DOCK7: variants seen among roughly 807,000 people sequenced by gnomAD.
DOCK7 encodes the protein dedicator of cytokinesis protein 7.
Under a neutral mutation model 271.0 loss-of-function variants are expected in DOCK7, and 138 were observed. That is an observed-to-expected ratio of 0.51 (90% CI 0.44 to 0.59). DOCK7 has a LOEUF of 0.59. Ranked by LOEUF, DOCK7 falls within the 20% of genes least tolerant of loss-of-function variation. The probability of loss-of-function intolerance (pLI) is 0.00; values close to 1 mark genes in which losing one functional copy is unlikely to be tolerated. For synonymous variants in DOCK7, 823 were observed against 876.1 expected, an observed-to-expected ratio of 0.94 and a Z score of 1.07; for missense variants, 2,066 against 2,592.4, an observed-to-expected ratio of 0.80 and a Z score of 4.41.
At chr1:62,630,313 T>A (rs1334409165) in intron 11 of DOCK7, among the ~76,000 whole-genome samples, 2 of 152,186 alleles carry the variant, frequency 1.3e-5, no homozygotes, top group Non-Finnish European at 2.9e-5. Context: ...CTGCATGCTT[T>A]TTCAAGTGGC....
In DOCK7 at chr1:62,539,861, T is replaced by C. The variant is rs1466340725; in HGVS notation, c.3077A>G (p.Asn1026Ser). 1 of 1,612,784 alleles carries C rather than the reference T, an allele frequency of 6.2e-7. No individual in the cohort carries two copies. The highest frequency in any genetic ancestry group is 2.2e-5 in the East Asian group (1 of 44,814). The change falls in exon 26 of 50, where the codon AAT becomes AGT. Residue 1026 changes from asparagine (N) to serine (S), a missense_variant. Transcript: ENST00000635253. ...VKSMVHHLYF[N>S]DKLEAPRKSR... is the part of the protein sequence containing the mutation. ...TTTCCTTGGAGCCTCAAGTTTATCA[T>C]TAAAGTATAAATGGTGCACCATGCT...
rs376000534 is a variant in DOCK7 at position 62,457,588 on chromosome 1, G to A, written c.6330C>T (p.Asn2110=). ...CCTTGTATAACTGAGGGATCTTTCTGTTGATCAGTGGCTGTAGGGCCTCTT... is the reference window on the plus strand; with the variant it reads ...CCTTGTATAACTGAGGGATCTTTCTATTGATCAGTGGCTGTAGGGCCTCTT... ...RLKEALQPLI[N]RKIPQLYKAV... Residue 2110 remains asparagine, a synonymous_variant, in exon 49 of 50, where the codon AAC becomes AAT. Transcript: ENST00000635253. 2.1e-5 allele frequency: 34 copies of A among 1,614,170 alleles called. No homozygotes were observed. The highest frequency in any genetic ancestry group is 2.9e-5 in the Non-Finnish European group (34 of 1,180,022).
chr1:62,483,826 C>T (rs1308291678), intron 43 of DOCK7: 1 of 152,296 alleles, frequency 6.6e-6, no homozygotes. Flanking sequence ...AGCGATCCTC[C>T]CACCTTGGCC....
intron 1 of DOCK7, among the ~76,000 whole-genome samples, chr1:62,682,020 G>T (rs947457856): frequency 4.6e-5 from 7 of 150,954 alleles, no homozygotes; most frequent in Non-Finnish European, 1.0e-4. Flanking sequence ...TAAGATTTAG[G>T]AAAGAAAAGG....
intron 14 of DOCK7, chr1:62,604,706 T>C (rs766993553): frequency 6.2e-7 from 1 of 1,613,252 alleles, no homozygotes; most frequent in Non-Finnish European, 8.5e-7. Context: ...GAGCAAAATC[T>C]AAGCCAGAGA....
chr1:62,550,219 G>GT (rs1645849431), intron 22 of DOCK7, among the ~76,000 whole-genome samples: 1 of 152,100 alleles, frequency 6.6e-6, no homozygotes. Flanking sequence ...CTGGTGGAGT[G>GT]TAGATCTTGA....
At chr1:62,540,024 A>G (rs1557687167) in intron 25 of DOCK7, 132 bp from the exon 26 acceptor site, 8 of 583,254 alleles carry the variant, frequency 1.4e-5, no homozygotes, top group Non-Finnish European at 1.4e-5. Flanking sequence ...AGCTTCTCAA[A>G]TATTTTTTAA....
At chr1:62,588,404 G>A (rs1557762631) in intron 14 of DOCK7, among the ~76,000 whole-genome samples, 1 of 152,188 alleles carries the variant, frequency 6.6e-6, no homozygotes, top group Non-Finnish European at 1.5e-5. Flanking sequence ...TAGGTACCTA[G>A]CTGTCTGTGG....
intron 19 of DOCK7, among the ~76,000 whole-genome samples, chr1:62,559,955 G>GAC (rs908510928): frequency 3.6e-4 from 55 of 152,234 alleles, no homozygotes; most frequent in African/African-American, 1.2e-3. Flanking sequence ...GTGCCTACGT[G>GAC]ACAAGTAAAA....
intron 10 of DOCK7, among the ~76,000 whole-genome samples, chr1:62,631,717 T>C (rs1463794325): frequency 6.6e-6 from 1 of 151,742 alleles, no homozygotes; most frequent in Non-Finnish European, 1.5e-5. Context: ...AGTATAACCA[T>C]GGTCTAGTCA....
chr1:62,688,342 C>T lies in DOCK7; in HGVS notation c.-78G>A, dbSNP rs1332231689. ...ACCGGCGGGCGCGTGCCTCCTCGCT[C>T]GTGCTCCCTCCCTCGCGGCCTCCGC... On this transcript the variant is annotated 5_prime_UTR_variant, in exon 1 of 50. Transcript: ENST00000635253. The T allele has an allele frequency of 8.1e-6, 8 of 985,510 alleles. No individual in the cohort carries two copies. The highest frequency in any genetic ancestry group is 4.8e-5 in the South Asian group (1 of 20,956). The allele number at this position is 985,510 out of a possible 1,614,324, so 61.0% of individuals were successfully genotyped here. A position where few individuals can be genotyped will look rare whatever the true frequency, so the allele number is the denominator to read the frequency against.
intron 13 of DOCK7, among the ~76,000 whole-genome samples, chr1:62,619,157 G>T (rs2149586966): frequency 6.6e-6 from 1 of 152,242 alleles, no homozygotes; most frequent in Non-Finnish European, 1.5e-5. Context: ...AAACCAGAGG[G>T]ATCTGGCATA....
intron 29 of DOCK7, among the ~76,000 whole-genome samples, chr1:62,534,105 T>C (rs1645263858): frequency 6.6e-6 from 1 of 152,020 alleles, no homozygotes; most frequent in Admixed American, 6.6e-5. Flanking sequence ...TTCAAGCAGT[T>C]CTCATGCTCC....
At chr1:62,675,021 G>A (rs180805546) in intron 1 of DOCK7, among the ~76,000 whole-genome samples, 3 of 152,238 alleles carry the variant, frequency 2.0e-5, no homozygotes, top group Admixed American at 2.0e-4. Context: ...AGCCAAACAA[G>A]GAGACAATAG....
At chr1:62,487,888 T>C (rs1571262815) in intron 42 of DOCK7, 1 of 153,028 alleles carries the variant, frequency 6.5e-6, no homozygotes, top group Non-Finnish European at 1.5e-5. Context: ...TGATAGTATA[T>C]ATACAACTGA....
intron 37 of DOCK7, among the ~76,000 whole-genome samples, chr1:62,501,766 T>C (rs972834357): frequency 3.5e-4 from 53 of 152,220 alleles, no homozygotes; most frequent in African/African-American, 1.1e-3. Context: ...AAAGTAAATA[T>C]AAAGCTTACT....
At chr1:62,572,878 G>A (rs1350276919) in intron 18 of DOCK7, among the ~76,000 whole-genome samples, 1 of 152,162 alleles carries the variant, frequency 6.6e-6, no homozygotes, top group Non-Finnish European at 1.5e-5. Context: ...CAGGATTAAA[G>A]CCTTAGAAGA....
intron 1 of DOCK7, among the ~76,000 whole-genome samples, chr1:62,684,344 A>G (rs182736007): frequency 1.0e-3 from 152 of 152,376 alleles, no homozygotes; most frequent in Non-Finnish European, 9.6e-4. Context: ...TGGAAATCAT[A>G]ATAGCAGTGG....
intron 48 of DOCK7, among the ~76,000 whole-genome samples, chr1:62,462,227 G>A (rs1645551127): frequency 6.6e-6 from 1 of 152,140 alleles, no homozygotes. Flanking sequence ...ATGGACTGAT[G>A]TCAATTCTCT....
Sources: gnomAD v4.1 joint callset for allele counts (sites outside exome capture counted in the v4.1 genomes callset) on GRCh38, gnomAD v4.1.1 for gene constraint, MANE v1.5 for transcripts, NCBI Gene and HGNC (gene_info 2026-07-23, HGNC 2026-07-21) for gene names.